ABLIM1: variants seen among roughly 807,000 people sequenced by gnomAD.
The protein encoded by ABLIM1 is actin-binding LIM protein 1.
Under a neutral mutation model 107.0 loss-of-function variants are expected in ABLIM1, and 40 were observed. The observed-to-expected ratio is 0.37, with a 90% confidence interval of 0.29 to 0.49. The LOEUF is 0.49. Among genes scored for constraint, ABLIM1 ranks in the 20% least tolerant of loss-of-function variants. The pLI is 0.97. For missense variants in ABLIM1, 857 were observed against 1,008.5 expected (o/e 0.85, Z 2.04); for synonymous variants, 357 against 357.3 (o/e 1.00, Z 0.01).
chr10:114,603,122 A>G (rs2076150309), intron 1 of ABLIM1, among the ~76,000 whole-genome samples: 2 of 152,192 alleles, frequency 1.3e-5, no homozygotes, highest in Admixed American at 6.5e-5. Context: ...CAACCAACAC[A>G]AAGATGATTT....
chr10:114,670,017 A>G (rs1396866122), intron 1 of ABLIM1, among the ~76,000 whole-genome samples: 6 of 152,210 alleles, frequency 3.9e-5, no homozygotes, highest in Admixed American at 3.3e-4. Flanking sequence ...CAAATCATAA[A>G]TGGTTTCAAA....
chr10:114,643,039 C>G lies in ABLIM1; in HGVS notation c.244+14918G>C, dbSNP rs1591708409. 6.6e-5 allele frequency among the ~76,000 whole-genome samples: 10 copies of G among 152,306 alleles called. 3 individuals are homozygous for G. Among genetic ancestry groups the G allele is most frequent in the Admixed American group, 6.5e-4 (10 of 15,306 alleles). ...CAAACAGAAAGGTGTTCAGGAAGCA[C>G]AACACCGTGAACCCTTCTTGGGAAA... On this transcript the variant is annotated intron_variant, in intron 1 of 22. Coordinates refer to ENST00000533213, the MANE Select transcript of ABLIM1 (RefSeq NM_002313.7).
intron 6 of ABLIM1, among the ~76,000 whole-genome samples, chr10:114,498,105 T>A (rs2059932381): frequency 6.6e-6 from 1 of 152,166 alleles, no homozygotes; most frequent in Non-Finnish European, 1.5e-5. Context: ...AGCTTTGGAA[T>A]CAGGAAGTCT....
the ABLIM1 span, among the ~76,000 whole-genome samples, chr10:114,794,664 A>G: frequency 6.6e-6 from 1 of 152,218 alleles, no homozygotes; most frequent in African/African-American, 2.4e-5. Flanking sequence ...ACTACATACT[A>G]ATCACTAACC....
intron 2 of ABLIM1, among the ~76,000 whole-genome samples, chr10:114,592,408 GA>G (rs1179840757): frequency 6.6e-6 from 1 of 152,170 alleles, no homozygotes; most frequent in African/African-American, 2.4e-5. Flanking sequence ...GAAACAGGAA[GA>G]AAATGGTGGG....
chr10:114,616,061 G>A (rs773025651), intron 1 of ABLIM1, among the ~76,000 whole-genome samples: 15 of 151,996 alleles, frequency 9.9e-5, no homozygotes, highest in South Asian at 4.2e-4. Flanking sequence ...AAGTGTGGGC[G>A]GTGGCTCACA....
chr10:114,652,175 G>C (rs902278316), intron 1 of ABLIM1, among the ~76,000 whole-genome samples: 5 of 152,132 alleles, frequency 3.3e-5, no homozygotes, highest in Non-Finnish European at 7.4e-5. Context: ...ATGTTACCAG[G>C]AAGATGCTAT....
At chr10:114,485,457 A>G in intron 8 of ABLIM1, 3 of 1,307,450 alleles carry the variant, frequency 2.3e-6, no homozygotes, top group Non-Finnish European at 2.1e-6. Flanking sequence ...TAAAAAATAA[A>G]ACAAAACAAC....
At chr10:114,516,354 T>C (rs1445405343) in intron 6 of ABLIM1, among the ~76,000 whole-genome samples, 2 of 152,062 alleles carry the variant, frequency 1.3e-5, no homozygotes, top group African/African-American at 4.8e-5. Context: ...CAAAACCCTG[T>C]CTCTACTAAA....
chr10:114,791,676 AC>A, the ABLIM1 span, among the ~76,000 whole-genome samples: 2 of 152,012 alleles, frequency 1.3e-5, no homozygotes, highest in Non-Finnish European at 2.9e-5. Flanking sequence ...AACAACAACA[AC>A]AAAACTTCAA....
At chr10:114,643,860 G>A (rs879540434) in intron 1 of ABLIM1, among the ~76,000 whole-genome samples, 22 of 152,068 alleles carry the variant, frequency 1.4e-4, no homozygotes, top group Admixed American at 1.0e-3. Context: ...ACAGGTGCGA[G>A]TCACTGACCC....
chr10:114,436,523 A>G (rs2059417914), intron 22 of ABLIM1, 150 bp from the exon 23 acceptor site: 3 of 612,352 alleles, frequency 4.9e-6, no homozygotes, highest in Non-Finnish European at 8.5e-6. Flanking sequence ...TTGTGACATC[A>G]GTATCCCTTA....
At chr10:114,718,174 G>A (rs2081749192) in intron 1 of ABLIM1, among the ~76,000 whole-genome samples, 1 of 151,902 alleles carries the variant, frequency 6.6e-6, no homozygotes. Flanking sequence ...AAGAAAGGCA[G>A]GCACTAATGC....
intron 6 of ABLIM1, among the ~76,000 whole-genome samples, chr10:114,532,664 G>A (rs143741181): frequency 1.3e-5 from 2 of 152,178 alleles, no homozygotes; most frequent in East Asian, 1.9e-4. Context: ...ACCTTTGGAT[G>A]GTACCATTTT....
intron 1 of ABLIM1, among the ~76,000 whole-genome samples, chr10:114,636,365 G>C (rs1276096831): frequency 6.6e-6 from 1 of 152,190 alleles, no homozygotes; most frequent in Non-Finnish European, 1.5e-5. Context: ...TGTGGTTAAA[G>C]TCTCAAACCT....
chr10:114,630,839 A>C (rs1023923465), intron 1 of ABLIM1, among the ~76,000 whole-genome samples: 19 of 152,220 alleles, frequency 1.2e-4, no homozygotes, highest in African/African-American at 4.6e-4. Flanking sequence ...AGCAAAATTA[A>C]AGAGTGGTTA....
intron 4 of ABLIM1, among the ~76,000 whole-genome samples, chr10:114,566,947 G>A (rs1259846390): frequency 6.6e-6 from 1 of 152,202 alleles, no homozygotes; most frequent in Non-Finnish European, 1.5e-5. Context: ...TACTCAGCAG[G>A]CTGAGGCAGG....
rs1033296438 is a variant in ABLIM1 at position 114,473,311 on chromosome 10, G to GT, written c.1120-180dup. The stretch of plus-strand genomic sequence containing the variant: ...GCCCTTTATACCATATATTAATCAT[G>GT]TTTTTTTAAAAAAGTCACTGAACGC... On this transcript the variant is annotated intron_variant, in intron 9 of 22. Coordinates refer to ENST00000533213, the MANE Select transcript of ABLIM1 (RefSeq NM_002313.7). Among the ~76,000 whole-genome samples the GT allele has an allele frequency of 6.5e-4, 99 of 152,164 alleles. 2 individuals carry two copies. The highest frequency in any genetic ancestry group is 2.3e-3 in the African/African-American group (97 of 41,514).
At chr10:114,482,663 T>C (rs1268136255) in intron 8 of ABLIM1, among the ~76,000 whole-genome samples, 1 of 152,234 alleles carries the variant, frequency 6.6e-6, no homozygotes. Context: ...CTTTCTGTGA[T>C]GGAGCTAAAG....
Sources: allele counts gnomAD v4.1 joint callset (sites outside exome capture counted in the v4.1 genomes callset), GRCh38; gene constraint gnomAD v4.1.1; transcripts MANE v1.5; gene names NCBI Gene and HGNC (gene_info 2026-07-23, HGNC 2026-07-21).